Variants in DCAKD observed in about 807,000 individuals in gnomAD.
DCAKD encodes the protein dephospho-CoA kinase domain containing, also known as dephospho-CoA kinase domain-containing protein.
Under a neutral mutation model 18.7 loss-of-function variants are expected in DCAKD, and 15 were observed. The ratio of observed to expected loss-of-function variants is 0.80; its 90% CI spans 0.54 to 1.24. DCAKD has a LOEUF of 1.24. Ranked by LOEUF, DCAKD falls within the 50% of genes most tolerant of loss-of-function variation. The pLI, the probability that DCAKD is intolerant of heterozygous loss-of-function variation, is 0.00. For synonymous variants in DCAKD, 130 were observed against 133.0 expected (o/e 0.98, Z 0.16); for missense variants, 301 against 322.0 (o/e 0.93, Z 0.50).
upstream of DCAKD, among the ~76,000 whole-genome samples, chr17:45,053,688 A>G (rs62065828): frequency 0.16 from 23,402 of 150,232 alleles, 2,077 homozygotes; most frequent in Non-Finnish European, 0.2. Context: ...CCAAAGTGCT[A>G]GGATTACAGG....
At chr17:45,045,455 G>A (rs1310063661) in intron 1 of DCAKD, among the ~76,000 whole-genome samples, 1 of 152,190 alleles carries the variant, frequency 6.6e-6, no homozygotes, top group Non-Finnish European at 1.5e-5. Context: ...TTGTTAGCCA[G>A]GCACAGTGGC....
intron 4 of DCAKD, among the ~76,000 whole-genome samples, chr17:45,028,753 G>A (rs2053111835): frequency 1.3e-5 from 2 of 150,908 alleles, no homozygotes; most frequent in African/African-American, 4.9e-5. Context: ...CGCCCAGGCT[G>A]GAGTGCAATG....
intron 1 of DCAKD, among the ~76,000 whole-genome samples, chr17:45,042,279 C>T (rs1008840505): frequency 2.0e-5 from 3 of 152,176 alleles, no homozygotes; most frequent in African/African-American, 7.2e-5. Context: ...ACTCGTCATG[C>T]TTTGGACTTT....
intron 1 of DCAKD, among the ~76,000 whole-genome samples, chr17:45,045,980 C>G (rs930860126): frequency 3.3e-5 from 5 of 151,834 alleles, no homozygotes; most frequent in African/African-American, 7.3e-5. Context: ...ACTGCCACCA[C>G]GCCCAGCTAA....
chr17:45,024,338 TGGGG>T lies in DCAKD; in HGVS notation c.*91_*94del, dbSNP rs1369908266. On this transcript the variant is annotated 3_prime_UTR_variant, in exon 5 of 5. Transcript: ENST00000651974. The stretch of plus-strand genomic sequence containing the variant: ...GTGTGTGTGTGTGTGTGTGTGTGTG[TGGGG>T]AGGGGGCTGAGAGGAAACAGGATGT... 9 of 13,112 alleles carry T rather than the reference TGGGG, an allele frequency of 6.9e-4. 1 individual carries two copies. The highest frequency in any genetic ancestry group is 2.5e-3 in the African/African-American group (2 of 814). The allele number at this position is 13,112 out of a possible 1,614,324, so 0.8% of individuals were successfully genotyped here.
intron 1 of DCAKD, among the ~76,000 whole-genome samples, chr17:45,046,335 T>C (rs1323805011): frequency 6.6e-6 from 1 of 151,914 alleles, no homozygotes; most frequent in Non-Finnish European, 1.5e-5. Context: ...AAGTTCTGGC[T>C]GGGCACGGCG....
At position 45,034,358 on chromosome 17, in the gene DCAKD, T is replaced by C. The variant is rs771364324; in HGVS notation, c.145A>G (p.Ile49Val). ...ACCTCAGTGCCGAAGACCTCTACGA[T>C]GCGCCGGTGGGCAGGGTATCCTGGC... The part of the protein sequence containing the change: ...VQPGYPAHRR[I>V]VEVFGTEVLL... Residue 49 changes from isoleucine to valine, a missense_variant, in exon 3 of 5, where the codon ATC becomes GTC. Transcript: ENST00000651974. 9.9e-6 allele frequency: 16 copies of C among 1,613,826 alleles called. No homozygotes were observed. The highest frequency in any genetic ancestry group is 2.2e-5 in the South Asian group (2 of 91,092).
At chr17:45,034,618 G>A (rs1040361581) in intron 2 of DCAKD, among the ~76,000 whole-genome samples, 156 bp downstream of exon 2, 1 of 152,176 alleles carries the variant, frequency 6.6e-6, no homozygotes, top group East Asian at 1.9e-4. Context: ...AAATAGAAGA[G>A]CAGAGAAGGC....
upstream of DCAKD, chr17:45,051,694 G>A (rs1167593104): frequency 1.0e-4 from 15 of 144,304 alleles, no homozygotes; most frequent in African/African-American, 3.8e-4. Context: ...GCCGGGAGAG[G>A]TTGGACGGGC....
chr17:45,054,429 G>A (rs1022400266), upstream of DCAKD, among the ~76,000 whole-genome samples: 3 of 152,048 alleles, frequency 2.0e-5, no homozygotes, highest in East Asian at 5.8e-4. Context: ...TACATTTTTA[G>A]TAGAGATGGG....
At chr17:45,049,766 C>T (rs2053651467) in intron 1 of DCAKD, among the ~76,000 whole-genome samples, 1 of 134,460 alleles carries the variant, frequency 7.4e-6, no homozygotes, top group Non-Finnish European at 1.5e-5. Context: ...GTCACCCAGG[C>T]TGGAGTGCAG....
chr17:45,055,928 G>GC (rs2053774630), upstream of DCAKD, among the ~76,000 whole-genome samples: 3 of 152,112 alleles, frequency 2.0e-5, no homozygotes, highest in Admixed American at 6.6e-5. Context: ...GCCAAGGCAG[G>GC]GGATCACCTG....
At chr17:45,026,729 G>C in intron 4 of DCAKD, 1 of 985,420 alleles carries the variant, frequency 1.0e-6, no homozygotes, top group South Asian at 4.7e-5. Flanking sequence ...CTCTGTTACG[G>C]GGTCAGTGTA....
upstream of DCAKD, among the ~76,000 whole-genome samples, chr17:45,053,851 C>T (rs1399314848): frequency 5.3e-5 from 8 of 152,202 alleles, no homozygotes; most frequent in Admixed American, 2.0e-4. Context: ...GCATGAGCCA[C>T]GGTGCCTCAC....
chr17:45,045,751 A>G (rs1212934506), intron 1 of DCAKD, among the ~76,000 whole-genome samples: 1 of 148,912 alleles, frequency 6.7e-6, no homozygotes, highest in Admixed American at 6.8e-5. Flanking sequence ...AAAAAAAAAG[A>G]TACTTGTTGA....
chr17:45,056,369 C>G (rs938933080), upstream of DCAKD, among the ~76,000 whole-genome samples: 1 of 152,058 alleles, frequency 6.6e-6, no homozygotes, highest in African/African-American at 2.4e-5. Flanking sequence ...ATAATGACAT[C>G]AAAGCTCAGA....
chr17:45,046,915 G>A (rs371149562), intron 1 of DCAKD, among the ~76,000 whole-genome samples: 21 of 152,178 alleles, frequency 1.4e-4, no homozygotes, highest in African/African-American at 4.8e-4. Flanking sequence ...GCACCAGAAA[G>A]GGCAATTCAA....
Position 45,058,735 on chromosome 17 carries a change from C to A in DCAKD, c.-118+2153G>T, listed in dbSNP as rs138941030. Among the ~76,000 whole-genome samples, 1,050 of 151,874 alleles carry A rather than the reference C, an allele frequency of 6.9e-3. 13 individuals carry two copies. The highest frequency in any genetic ancestry group is 0.024 in the African/African-American group (1,004 of 41,470). ...CAGCGCCTGGCCTGGCTTTATTATT[C>A]TTCTTCTTACCTCTGACCCCCCCCT... is the stretch of plus-strand genomic sequence containing the variant. On this transcript the variant is annotated intron_variant, in intron 1 of 4. Transcript: ENST00000310604.
intron 4 of DCAKD, among the ~76,000 whole-genome samples, chr17:45,026,315 C>T (rs113985153): frequency 1.8e-3 from 274 of 148,864 alleles, no homozygotes; most frequent in African/African-American, 6.6e-3. Context: ...GCAACCTCCG[C>T]CTCCCAGGTT....
Sources: gnomAD v4.1 joint callset for allele counts (sites outside exome capture counted in the v4.1 genomes callset) on GRCh38, gnomAD v4.1.1 for gene constraint, MANE v1.5 for transcripts, NCBI Gene and HGNC (gene_info 2026-07-23, HGNC 2026-07-21) for gene names.